The following MGAT4C variants were observed in gnomAD, a reference collection of about 807,000 sequenced individuals.
The protein encoded by MGAT4C is MGAT4 family member C.
MGAT4C carries 19 observed loss-of-function variants against 40.1 expected under a neutral mutation model. The observed-to-expected ratio is 0.47, with a 90% CI of 0.33 to 0.70. MGAT4C has a LOEUF of 0.70. MGAT4C is among the 30% of genes least tolerant of loss of function. The pLI is 0.02. For missense variants in MGAT4C, 491 were observed against 563.2 expected, an observed-to-expected ratio of 0.87 and a Z score of 1.30; for synonymous variants, 181 against 187.1, an observed-to-expected ratio of 0.97 and a Z score of 0.27.
intron 2 of MGAT4C, among the ~76,000 whole-genome samples, chr12:86,694,633 C>T (rs1341387955): frequency 6.6e-6 from 1 of 152,034 alleles, no homozygotes; most frequent in Non-Finnish European, 1.5e-5. Flanking sequence ...TTAGAAGTGA[C>T]CGCAATCTTC....
In MGAT4C at chr12:85,969,883, A is replaced by G. The variant is rs1185951728; in HGVS notation, c.*9406T>C. Reference sequence around the variant, plus strand: ...ACCTCTTACCTTATATGGTTGTTTAATCTATTAAATAGACAGTGAAATGCA... The same window carrying G: ...ACCTCTTACCTTATATGGTTGTTTAGTCTATTAAATAGACAGTGAAATGCA... On this transcript the variant is annotated 3_prime_UTR_variant, in exon 5 of 5. Coordinates refer to ENST00000611864, the MANE Select transcript of MGAT4C (RefSeq NM_001351288.2). 1 of 151,398 alleles carries G rather than the reference A, an allele frequency of 6.6e-6. No homozygotes were observed. The highest frequency in any genetic ancestry group is 2.4e-5 in the African/African-American group (1 of 41,348). The allele number at this position is 151,398 out of a possible 1,614,324, so 9.4% of individuals were successfully genotyped here. A position where few individuals can be genotyped will look rare whatever the true frequency, so the allele number is the denominator to read the frequency against.
At chr12:86,813,173 A>G (rs1157154698) in intron 1 of MGAT4C, among the ~76,000 whole-genome samples, 1 of 152,042 alleles carries the variant, frequency 6.6e-6, no homozygotes, top group East Asian at 1.9e-4. Flanking sequence ...AGAAGCAAGA[A>G]GAAATAGTTC....
chr12:86,782,528 A>G (rs558440425), intron 1 of MGAT4C, among the ~76,000 whole-genome samples: 1 of 152,220 alleles, frequency 6.6e-6, no homozygotes, highest in African/African-American at 2.4e-5. Flanking sequence ...AATAGGGTTA[A>G]TATAAATATC....
intron 1 of MGAT4C, among the ~76,000 whole-genome samples, chr12:86,158,392 T>C (rs751678445): frequency 1.8e-4 from 27 of 152,184 alleles, no homozygotes; most frequent in Non-Finnish European, 3.2e-4. Context: ...ATAAAGCAAA[T>C]CAAGGTTGGA....
chr12:86,633,001 T>C (rs370694292), intron 2 of MGAT4C, among the ~76,000 whole-genome samples: 125 of 152,202 alleles, frequency 8.2e-4, no homozygotes, highest in East Asian at 4.6e-3. Flanking sequence ...ATGGGTACTA[T>C]ATTGCATAGC....
chr12:86,795,067 T>C (rs1952090532), intron 1 of MGAT4C, among the ~76,000 whole-genome samples: 2 of 151,978 alleles, frequency 1.3e-5, no homozygotes, highest in Non-Finnish European at 2.9e-5. Flanking sequence ...ATTATAATAA[T>C]TTGCATGTTT....
At chr12:86,540,740 A>G (rs555446555) in intron 2 of MGAT4C, among the ~76,000 whole-genome samples, 1,793 of 150,442 alleles carry the variant, frequency 0.012, 11 homozygotes, top group Middle Eastern at 0.017. Context: ...CATCTCCAGA[A>G]AGAGAGAGAG....
At chr12:86,125,927 A>G (rs1215962928) in intron 1 of MGAT4C, among the ~76,000 whole-genome samples, 1 of 144,980 alleles carries the variant, frequency 6.9e-6, no homozygotes, top group Non-Finnish European at 1.5e-5. Flanking sequence ...TTATTCACTA[A>G]AAGAAAATGT....
rs1269556354 is a variant in MGAT4C, at chr12:85,962,345, A to C, written c.*16944T>G. On this transcript the variant is annotated 3_prime_UTR_variant, in exon 5 of 5. Coordinates refer to ENST00000611864, the MANE Select transcript of MGAT4C (RefSeq NM_001351288.2). ...GACTAATTTGACCATTTTGATTCAA[A>C]TGTCTAAAGGCTAAACCAGAGCAAT... 1.3e-5 allele frequency: 2 copies of C among 150,806 alleles called. No homozygotes were observed. The highest frequency in any genetic ancestry group is 4.8e-5 in the African/African-American group (2 of 41,268). The allele number at this position is 150,806 out of a possible 1,614,324, so 9.3% of individuals were successfully genotyped here. A position where few individuals can be genotyped will look rare whatever the true frequency, so the allele number is the denominator to read the frequency against.
intron 2 of MGAT4C, among the ~76,000 whole-genome samples, chr12:86,678,502 A>G (rs192409933): frequency 6.6e-6 from 1 of 151,434 alleles, no homozygotes; most frequent in Non-Finnish European, 1.5e-5. Context: ...ATATGTATAC[A>G]TGTGCCATGC....
At chr12:86,263,704 C>T (rs1592613050) in intron 4 of MGAT4C, among the ~76,000 whole-genome samples, 1 of 152,172 alleles carries the variant, frequency 6.6e-6, no homozygotes, top group Non-Finnish European at 1.5e-5. Context: ...AGTGTGACTG[C>T]TGTATGAAAT....
rs1883163479 is a variant in MGAT4C, at chr12:85,962,465, A to G, written c.*16824T>C. On this transcript the variant is annotated 3_prime_UTR_variant, in exon 5 of 5. Coordinates refer to ENST00000611864, the MANE Select transcript of MGAT4C (RefSeq NM_001351288.2). Reference sequence around the variant, plus strand: ...TTAATTATAAAATAAAATATTAACAATAATTGAACATTGTTTACTTTTTTA... The same window carrying G: ...TTAATTATAAAATAAAATATTAACAGTAATTGAACATTGTTTACTTTTTTA... 6.7e-6 allele frequency: 1 copy of G among 148,510 alleles called. No homozygotes were observed. Among genetic ancestry groups the G allele is most frequent in the South Asian group, 2.1e-4 (1 of 4,796 alleles). 9.2% of individuals were successfully genotyped at this position (148,510 alleles called of 1,614,324 possible).
intron 1 of MGAT4C, among the ~76,000 whole-genome samples, chr12:86,760,387 G>T (rs1428503802): frequency 2.7e-5 from 4 of 150,124 alleles, no homozygotes; most frequent in African/African-American, 9.8e-5. Context: ...TTTTGTTTTT[G>T]TTTTTTTTTG....
At chr12:86,425,929 A>G (rs10431399) in intron 3 of MGAT4C, among the ~76,000 whole-genome samples, 96,642 of 152,048 alleles carry the variant, frequency 0.64, 31,338 homozygotes, top group South Asian at 0.77. Context: ...TAAAATTAAT[A>G]TGCCAATATT....
At position 86,538,280 on chromosome 12, in the gene MGAT4C, A is replaced by G. The variant is rs920255266; in HGVS notation, c.-228-103015T>C. 9.8e-5 allele frequency among the ~76,000 whole-genome samples: 15 copies of G among 152,314 alleles called. No individual in the cohort carries two copies. The East Asian group carries it at 1.4e-3, about 14-fold the overall frequency. ...AGAGTTAAGAAGAGAGGAATTAGAT[A>G]TTCAACAGGAGAAACATAAGCATTT... On this transcript the variant is annotated intron_variant, in intron 2 of 7. Coordinates refer to the MGAT4C transcript ENST00000548651.
At chr12:86,544,683 G>C (rs1400892374) in intron 2 of MGAT4C, among the ~76,000 whole-genome samples, 1 of 151,960 alleles carries the variant, frequency 6.6e-6, no homozygotes, top group African/African-American at 2.4e-5. Flanking sequence ...GCACTGCTTG[G>C]CCAATCAAAT....
At chr12:86,466,208 C>CAAAA (rs35660169) in intron 2 of MGAT4C, among the ~76,000 whole-genome samples, 3 of 149,522 alleles carry the variant, frequency 2.0e-5, no homozygotes, top group African/African-American at 7.4e-5. Context: ...AAGACTCCGT[C>CAAAA]AAAAAAAAAC....
At chr12:86,538,881 A>G (rs1959122694) in intron 2 of MGAT4C, among the ~76,000 whole-genome samples, 1 of 152,160 alleles carries the variant, frequency 6.6e-6, no homozygotes, top group Non-Finnish European at 1.5e-5. Context: ...TACTGGGATT[A>G]CAGGCATGAG....
chr12:86,724,595 A>G (rs1950791460), intron 2 of MGAT4C, among the ~76,000 whole-genome samples: 1 of 152,234 alleles, frequency 6.6e-6, no homozygotes, highest in Non-Finnish European at 1.5e-5. Context: ...TAATAGATGC[A>G]GTAGCTGGAG....
Sources: allele counts gnomAD v4.1 joint callset (sites outside exome capture counted in the v4.1 genomes callset), GRCh38; gene constraint gnomAD v4.1.1; transcripts MANE v1.5; gene names NCBI Gene and HGNC (gene_info 2026-07-23, HGNC 2026-07-21).